The following ANO10 variants were observed in gnomAD, a reference collection of about 807,000 sequenced individuals.
ANO10 encodes the protein anoctamin 10.
Under a neutral mutation model 74.7 loss-of-function variants are expected in ANO10, and 77 were observed. The ratio of observed to expected loss-of-function variants is 1.03; its 90% CI spans 0.86 to 1.25. The LOEUF (loss-of-function observed/expected upper bound fraction) is 1.25. Ranked by LOEUF, ANO10 falls within the 50% of genes most tolerant of loss-of-function variation. ANO10 has a pLI of 0.00. For missense variants in ANO10, 721 were observed against 778.1 expected (o/e 0.93, Z 0.87); for synonymous variants, 279 against 284.9 (o/e 0.98, Z 0.21).
At chr3:43,588,069 A>G (rs2081558306) in intron 4 of ANO10, among the ~76,000 whole-genome samples, 1 of 152,230 alleles carries the variant, frequency 6.6e-6, no homozygotes, top group South Asian at 2.1e-4. Flanking sequence ...ATGGTTTCAT[A>G]TAGAAATTCT....
chr3:43,453,000 C>T (rs942103421), intron 11 of ANO10, among the ~76,000 whole-genome samples: 1 of 152,130 alleles, frequency 6.6e-6, no homozygotes, highest in Admixed American at 6.5e-5. Flanking sequence ...AATGTCTATT[C>T]GGATCCTTTG....
intron 1 of ANO10, among the ~76,000 whole-genome samples, chr3:43,618,816 C>G (rs1318595658): frequency 6.7e-6 from 1 of 148,300 alleles, no homozygotes; most frequent in Non-Finnish European, 1.5e-5. Context: ...TTTTTTTTTT[C>G]TTTGAGGCAG....
At chr3:43,558,266 T>G (rs1001585067) in intron 9 of ANO10, among the ~76,000 whole-genome samples, 6 of 152,188 alleles carry the variant, frequency 3.9e-5, no homozygotes, top group African/African-American at 1.4e-4. Context: ...ACCTCTGTAA[T>G]GTATCATTTA....
At chr3:43,593,965 T>A (rs1302913704) in intron 4 of ANO10, among the ~76,000 whole-genome samples, 2 of 152,116 alleles carry the variant, frequency 1.3e-5, no homozygotes, top group African/African-American at 4.8e-5. Flanking sequence ...GCAATCCTAG[T>A]CTCTGATAAA....
intron 11 of ANO10, among the ~76,000 whole-genome samples, chr3:43,496,211 A>T (rs1292075402): frequency 6.6e-6 from 1 of 152,136 alleles, no homozygotes; most frequent in Non-Finnish European, 1.5e-5. Context: ...GGTAACTCAA[A>T]ATATCGGAAA....
At chr3:43,394,093 G>A (rs2092331337) in intron 12 of ANO10, among the ~76,000 whole-genome samples, 1 of 152,076 alleles carries the variant, frequency 6.6e-6, no homozygotes, top group Non-Finnish European at 1.5e-5. Flanking sequence ...AGTTTAGGGT[G>A]GCTGGTAGGC....
chr3:43,397,581 T>A (rs1240410391), intron 12 of ANO10, among the ~76,000 whole-genome samples: 1 of 152,236 alleles, frequency 6.6e-6, no homozygotes, highest in Admixed American at 6.5e-5. Context: ...CTGAGTGTTT[T>A]ACTCAACACC....
At position 43,596,194 on chromosome 3, in the gene ANO10, A is replaced by G. The variant is rs1298556271; in HGVS notation, c.472+2338T>C. On this transcript the variant is annotated intron_variant, in intron 4 of 12. Transcript: ENST00000292246. ...TGAAAATAGCCATACTGCCCGAGGTAATTTATAGATTCAATGCCATCCCCA... is the reference window on the plus strand; with the variant it reads ...TGAAAATAGCCATACTGCCCGAGGTGATTTATAGATTCAATGCCATCCCCA... Among the ~76,000 whole-genome samples the G allele has an allele frequency of 2.6e-5, 4 of 152,206 alleles. No individual in the cohort carries two copies. The East Asian group carries it at 7.7e-4, about 29-fold the overall frequency.
At chr3:43,485,235 G>C (rs370489752) in intron 11 of ANO10, 1 of 647,970 alleles carries the variant, frequency 1.5e-6, no homozygotes, top group African/African-American at 1.8e-5. Flanking sequence ...GCAGCTCCGG[G>C]AGTCATAGTG....
intron 12 of ANO10, among the ~76,000 whole-genome samples, chr3:43,420,554 A>T (rs1307774561): frequency 1.3e-5 from 2 of 152,214 alleles, no homozygotes; most frequent in African/African-American, 4.8e-5. Context: ...ACTGTTTGTT[A>T]CAGTAAACAA....
chr3:43,422,243 A>T (rs1056237331), intron 12 of ANO10, among the ~76,000 whole-genome samples: 5 of 151,992 alleles, frequency 3.3e-5, no homozygotes, highest in Non-Finnish European at 5.9e-5. Flanking sequence ...CAGCCTCCTG[A>T]GTAGCTGGGA....
At chr3:43,431,229 T>C (rs2092975890) in intron 12 of ANO10, among the ~76,000 whole-genome samples, 1 of 151,792 alleles carries the variant, frequency 6.6e-6, no homozygotes, top group Admixed American at 6.6e-5. Context: ...TGCACCACCA[T>C]GCCTGGCTAA....
intron 11 of ANO10, among the ~76,000 whole-genome samples, chr3:43,440,998 GA>G (rs2093150490): frequency 1.3e-5 from 2 of 152,036 alleles, no homozygotes; most frequent in South Asian, 4.2e-4. Context: ...TGAAGCAAAT[GA>G]AAACAAAACC....
intron 11 of ANO10, among the ~76,000 whole-genome samples, chr3:43,449,512 ATTC>A (rs1205142551): frequency 1.5e-5 from 1 of 66,470 alleles, no homozygotes; most frequent in African/African-American, 5.4e-5. Flanking sequence ...CCCTATCTAG[ATTC>A]TTTTTTTTTT....
At chr3:43,533,929 C>G (rs2078583177) in intron 11 of ANO10, among the ~76,000 whole-genome samples, 1 of 152,176 alleles carries the variant, frequency 6.6e-6, no homozygotes, top group African/African-American at 2.4e-5. Flanking sequence ...AACAAATTAA[C>G]TAAATTCTGC....
intron 11 of ANO10, among the ~76,000 whole-genome samples, chr3:43,453,928 T>C (rs539732048): frequency 5.9e-5 from 9 of 152,312 alleles, no homozygotes; most frequent in South Asian, 2.1e-4. Context: ...CTAGGTGCTG[T>C]AGATTGGAAC....
intron 7 of ANO10, among the ~76,000 whole-genome samples, chr3:43,566,116 C>A (rs974073647): frequency 1.3e-5 from 2 of 152,178 alleles, no homozygotes; most frequent in Non-Finnish European, 2.9e-5. Flanking sequence ...CAGAATACTG[C>A]GCTTTTCCGA....
intron 11 of ANO10, among the ~76,000 whole-genome samples, chr3:43,476,410 T>C (rs1373423293): frequency 1.3e-5 from 2 of 152,186 alleles, no homozygotes; most frequent in Non-Finnish European, 2.9e-5. Flanking sequence ...GTGGGGTCTG[T>C]AGTGGTCTAC....
At chr3:43,383,453 C>CAAAA (rs1235535066) in intron 12 of ANO10, among the ~76,000 whole-genome samples, 6 of 50,838 alleles carry the variant, frequency 1.2e-4, no homozygotes, top group African/African-American at 3.5e-4. Flanking sequence ...GACTCTGTCT[C>CAAAA]AAAAAAAAAA....
Sources: allele counts gnomAD v4.1 joint callset (sites outside exome capture counted in the v4.1 genomes callset), GRCh38; gene constraint gnomAD v4.1.1; transcripts MANE v1.5; gene names NCBI Gene and HGNC (gene_info 2026-07-23, HGNC 2026-07-21).